The following CNTRL variants were observed in gnomAD, a reference collection of about 807,000 sequenced individuals.
CNTRL encodes the protein centriolin, also known as 110 kDa centrosomal protein.
CNTRL carries 233 observed loss-of-function variants against 303.7 expected under a neutral mutation model. The observed-to-expected ratio is 0.77, with a 90% CI of 0.69 to 0.86. CNTRL has a LOEUF of 0.86. Among genes scored for constraint, CNTRL ranks in the 40% least tolerant of loss-of-function variants. The pLI is 0.00. For missense variants in CNTRL, 2,524 were observed against 2,650.6 expected, an observed-to-expected ratio of 0.95 and a Z score of 1.05; for synonymous variants, 900 against 922.2, an observed-to-expected ratio of 0.98 and a Z score of 0.44.
rs1405371164 is a variant in CNTRL, at chr9:121,094,926, A to G, written c.387A>G (p.Val129=). 1.3e-6 allele frequency: 2 copies of G among 1,588,502 alleles called. No homozygotes were observed. Among genetic ancestry groups the G allele is most frequent in the Admixed American group, 1.7e-5 (1 of 57,570 alleles). Residue 129 remains valine, a synonymous_variant, in exon 5 of 44, where the codon GTA becomes GTG. Coordinates refer to ENST00000373855, the MANE Select transcript of CNTRL (RefSeq NM_007018.6). The stretch of plus-strand genomic sequence containing the variant: ...TGGAAAAATGTGTTAAACTTGAAGT[A>G]CTGAATCTCAGCTATAATCTAATAG... ...ENLEKCVKLE[V]LNLSYNLIGK...
At chr9:121,110,604 G>A (rs537212326) in intron 8 of CNTRL, among the ~76,000 whole-genome samples, 74 of 152,074 alleles carry the variant, frequency 4.9e-4, no homozygotes, top group African/African-American at 1.5e-3. Context: ...GTGTTTTTCA[G>A]GGTTTGCATG....
At chr9:121,160,787 T>C (rs2052809574) in intron 32 of CNTRL, among the ~76,000 whole-genome samples, 2 of 152,182 alleles carry the variant, frequency 1.3e-5, no homozygotes, top group South Asian at 4.1e-4. Flanking sequence ...CAAAACTACC[T>C]GGGCAATGTA....
At chr9:121,127,394 C>T (rs1227141588) in intron 14 of CNTRL, among the ~76,000 whole-genome samples, 3 of 152,104 alleles carry the variant, frequency 2.0e-5, no homozygotes, top group Non-Finnish European at 2.9e-5. Context: ...TAGATATTGT[C>T]AAATTACTTT....
At chr9:121,160,446 A>T in intron 32 of CNTRL, 144 bp downstream of exon 32, 1 of 446,398 alleles carries the variant, frequency 2.2e-6, no homozygotes, top group Non-Finnish European at 3.7e-6. Context: ...TATAAAAGGA[A>T]TATGATATTT....
chr9:121,087,639 C>T (rs141874986), intron 2 of CNTRL, among the ~76,000 whole-genome samples: 3,149 of 152,004 alleles, frequency 0.021, 96 homozygotes, highest in African/African-American at 0.072. Context: ...TGCAGTGAGC[C>T]GAGATCGCAC....
intron 31 of CNTRL, 89 bp from the exon 32 acceptor site, chr9:121,160,054 G>T (rs1421767809): frequency 5.1e-6 from 5 of 984,742 alleles, no homozygotes; most frequent in Non-Finnish European, 7.0e-6. Flanking sequence ...GAATTTCTAT[G>T]ATATAAAACA....
Position 121,090,266 on chromosome 9 carries a change from T to C in CNTRL, c.218-9T>C, listed in dbSNP as rs1351251872. On this transcript the variant is annotated splice_polypyrimidine_tract_variant and intron_variant, in intron 3 of 43. Coordinates refer to ENST00000373855, the MANE Select transcript of CNTRL (RefSeq NM_007018.6). ...CTCTACTGATGATGATCTGTTTCTA[T>C]AATTTCAGGAGCTGATTCACATGCA... is the stretch of plus-strand genomic sequence containing the variant. 6.3e-7 allele frequency: 1 copy of C among 1,590,084 alleles called. No homozygotes were observed. Among genetic ancestry groups the C allele is most frequent in the South Asian group, 1.2e-5 (1 of 85,930 alleles).
At chr9:121,142,984 A>G (rs995348700) in intron 19 of CNTRL, among the ~76,000 whole-genome samples, 1 of 152,074 alleles carries the variant, frequency 6.6e-6, no homozygotes, top group Non-Finnish European at 1.5e-5. Context: ...GACAAAACTG[A>G]AGCTCTCTGC....
At chr9:121,113,378 G>A in intron 9 of CNTRL, 124 bp from the exon 10 acceptor site, 1 of 523,332 alleles carries the variant, frequency 1.9e-6, no homozygotes, top group South Asian at 3.3e-5. Context: ...TCAGCTCCTA[G>A]GCATGTAGAA....
chr9:121,088,267 C>A, intron 2 of CNTRL, 29 bp from the exon 3 acceptor site: 1 of 1,039,724 alleles, frequency 9.6e-7, no homozygotes, highest in Non-Finnish European at 1.5e-6. Flanking sequence ...AAAAATTAAT[C>A]TTGTTGAATA....
chr9:121,100,315 A>T (rs183401029), intron 7 of CNTRL, among the ~76,000 whole-genome samples: 12,220 of 152,188 alleles, frequency 0.08, 1,138 homozygotes, highest in African/African-American at 0.22. Context: ...ACTAAGCTTC[A>T]TAAGTGAAGG....
At chr9:121,152,364 T>C (rs1588277653) in intron 25 of CNTRL, 121 bp from the exon 26 acceptor site, 13 of 708,570 alleles carry the variant, frequency 1.8e-5, no homozygotes, top group Non-Finnish European at 3.2e-5. Flanking sequence ...TCTTAGAATC[T>C]ACCATCATTT....
In CNTRL at chr9:121,088,503, A is replaced by G. The variant is rs766863243; in HGVS notation, c.177A>G (p.Ala59=). 4.3e-6 allele frequency: 7 copies of G among 1,611,746 alleles called. No individual in the cohort carries two copies. The highest frequency in any genetic ancestry group is 1.1e-5 in the South Asian group (1 of 91,004). Residue 59 remains alanine (A), a synonymous_variant, in exon 3 of 44, where the codon GCA becomes GCG. Transcript: ENST00000373855. The stretch of plus-strand genomic sequence containing the variant: ...AGTGGTGTGAGCAAGTTGAGATTGC[A>G]GATGAAAACAATATGCTTTTGGACT... ...GGQWCEQVEI[A]DENNMLLDYQ... is the part of the protein sequence containing the mutation.
In CNTRL at chr9:121,140,685, T is replaced by C. The variant is rs1475789820; in HGVS notation, c.2382T>C (p.Asn794=). 6.2e-7 allele frequency: 1 copy of C among 1,613,196 alleles called. No individual in the cohort carries two copies. The highest frequency in any genetic ancestry group is 8.5e-7 in the Non-Finnish European group (1 of 1,179,362). Residue 794 remains asparagine (N), a synonymous_variant, in exon 17 of 44, where the codon AAT becomes AAC. Coordinates refer to ENST00000373855, the MANE Select transcript of CNTRL (RefSeq NM_007018.6). ...LLKQQLKDFQ[N]HLNHVVDGLV... ...AACAGCAACTTAAAGATTTCCAGAA[T>C]CACCTTAACCATGTGGTTGATGGTT...
chr9:121,106,243 A>G (rs1422677731), intron 7 of CNTRL, among the ~76,000 whole-genome samples: 4 of 151,146 alleles, frequency 2.6e-5, no homozygotes, highest in Non-Finnish European at 5.9e-5. Flanking sequence ...GGAAGCTGAG[A>G]GAAGAGAATC....
At chr9:121,133,560 G>A (rs953308600) in intron 14 of CNTRL, among the ~76,000 whole-genome samples, 4 of 152,268 alleles carry the variant, frequency 2.6e-5, no homozygotes, top group Admixed American at 6.5e-5. Context: ...GTGAATGTAC[G>A]GCTTCCCTTG....
At chr9:121,170,937 C>T (rs1480685779) in intron 39 of CNTRL, among the ~76,000 whole-genome samples, 1 of 152,128 alleles carries the variant, frequency 6.6e-6, no homozygotes, top group Non-Finnish European at 1.5e-5. Flanking sequence ...GACAGGTGAG[C>T]AGCAATGGAA....
intron 3 of CNTRL, 45 bp from the exon 4 acceptor site, chr9:121,090,230 T>TC: frequency 6.7e-7 from 1 of 1,502,398 alleles, no homozygotes; most frequent in Non-Finnish European, 8.9e-7. Context: ...TTTGTGATAT[T>TC]CATGTCTTTC....
chr9:121,111,959 C>T (rs530321111), intron 8 of CNTRL, among the ~76,000 whole-genome samples: 1 of 152,212 alleles, frequency 6.6e-6, no homozygotes, highest in East Asian at 1.9e-4. Flanking sequence ...ACTACAGCAA[C>T]AACAGTATGA....
Sources: gnomAD v4.1 joint callset for allele counts (sites outside exome capture counted in the v4.1 genomes callset) on GRCh38, gnomAD v4.1.1 for gene constraint, MANE v1.5 for transcripts, NCBI Gene and HGNC (gene_info 2026-07-23, HGNC 2026-07-21) for gene names.